CNTNAP5: variants seen among roughly 807,000 people sequenced by gnomAD.
The protein encoded by CNTNAP5 is contactin-associated protein-like 5.
In CNTNAP5, 72 loss-of-function variants were observed where a neutral mutation model predicts 150.2. The observed-to-expected ratio is 0.48, with a 90% CI of 0.40 to 0.58. The LOEUF is 0.58. Ranked by LOEUF, CNTNAP5 falls within the 20% of genes least tolerant of loss-of-function variation. The probability of loss-of-function intolerance (pLI) is 0.00; values close to 1 mark genes in which losing one functional copy is unlikely to be tolerated. For missense variants in CNTNAP5, 1,636 were observed against 1,626.2 expected (o/e 1.01, Z -0.10); for synonymous variants, 672 against 619.8 (o/e 1.08, Z -1.25).
chr2:124,910,890 C>A (rs180939285), intron 22 of CNTNAP5, among the ~76,000 whole-genome samples: 15 of 151,972 alleles, frequency 9.9e-5, no homozygotes, highest in Admixed American at 8.5e-4. Flanking sequence ...AAAAAGAGGT[C>A]TTCCTCAATG....
chr2:124,523,432 C>T (rs1694894942), intron 8 of CNTNAP5, among the ~76,000 whole-genome samples: 4 of 152,184 alleles, frequency 2.6e-5, no homozygotes, highest in African/African-American at 4.8e-5. Flanking sequence ...AAGCACTTTA[C>T]ACCACCAGGA....
At chr2:124,156,307 C>A (rs1272209010) in intron 1 of CNTNAP5, among the ~76,000 whole-genome samples, 5 of 152,144 alleles carry the variant, frequency 3.3e-5, no homozygotes, top group Admixed American at 2.6e-4. Flanking sequence ...AGCTCCACTG[C>A]TGATTATCAC....
At chr2:124,622,968 T>C (rs960685419) in intron 12 of CNTNAP5, among the ~76,000 whole-genome samples, 2 of 152,192 alleles carry the variant, frequency 1.3e-5, no homozygotes, top group Admixed American at 6.5e-5. Context: ...ATAATTTTTA[T>C]TTTATAAGTG....
At chr2:124,664,849 C>G (rs1307493765) in intron 13 of CNTNAP5, among the ~76,000 whole-genome samples, 1 of 152,086 alleles carries the variant, frequency 6.6e-6, no homozygotes, top group Non-Finnish European at 1.5e-5. Context: ...ACCATGCCCA[C>G]CTCATTTTTG....
At chr2:124,097,550 C>T (rs918090439) in intron 1 of CNTNAP5, among the ~76,000 whole-genome samples, 6 of 152,176 alleles carry the variant, frequency 3.9e-5, no homozygotes, top group Admixed American at 6.5e-5. Context: ...GACATGCTGG[C>T]GCCCCAGAGC....
At chr2:124,796,844 G>A (rs1400053205) in intron 18 of CNTNAP5, among the ~76,000 whole-genome samples, 1 of 152,160 alleles carries the variant, frequency 6.6e-6, no homozygotes, top group African/African-American at 2.4e-5. Flanking sequence ...TTTGCTGCCT[G>A]ATCTAAGGTG....
chr2:124,677,448 G>T (rs548898303), intron 13 of CNTNAP5, among the ~76,000 whole-genome samples: 1 of 152,180 alleles, frequency 6.6e-6, no homozygotes, highest in East Asian at 1.9e-4. Flanking sequence ...TGGCTGGGGT[G>T]GCCAGCTTTT....
intron 1 of CNTNAP5, among the ~76,000 whole-genome samples, chr2:124,112,080 T>G (rs563507080): frequency 6.6e-6 from 1 of 152,188 alleles, no homozygotes; most frequent in Non-Finnish European, 1.5e-5. Flanking sequence ...CCAAGCAAAT[T>G]TGAAACTCCC....
intron 1 of CNTNAP5, among the ~76,000 whole-genome samples, chr2:124,200,738 C>T (rs751627070): frequency 8.5e-5 from 13 of 152,212 alleles, no homozygotes; most frequent in Non-Finnish European, 1.6e-4. Flanking sequence ...TGTCCTGCCA[C>T]GTATTTCTTA....
Position 124,446,918 on chromosome 2 carries a change from C to G in CNTNAP5, c.899C>G (p.Ala300Gly). Residue 300 changes from alanine (A) to glycine (G), a missense_variant, in exon 6 of 24, where the codon GCC becomes GGC. Ala to Gly is a moderately conservative substitution (Grantham distance 60). Transcript: ENST00000682447. Reference protein sequence around the residue: ...QHFRTKGETDALDIDYELSFG... With the variant: ...QHFRTKGETDGLDIDYELSFG... ...TTCCGCACCAAGGGCGAGACGGATG[C>G]CTTAGACATTGACTATGAGGTGAGT... 1 of 1,613,500 alleles carries G rather than the reference C, an allele frequency of 6.2e-7. No homozygotes were observed. Among genetic ancestry groups the G allele is most frequent in the Non-Finnish European group, 8.5e-7 (1 of 1,179,588 alleles).
At chr2:124,750,987 A>C (rs1446916282) in intron 14 of CNTNAP5, among the ~76,000 whole-genome samples, 1 of 150,614 alleles carries the variant, frequency 6.6e-6, no homozygotes, top group Non-Finnish European at 1.5e-5. Flanking sequence ...CATCTCAAAA[A>C]AAAAAAAAAA....
chr2:124,453,285 G>A (rs559095972), intron 6 of CNTNAP5, among the ~76,000 whole-genome samples: 21 of 151,776 alleles, frequency 1.4e-4, no homozygotes, highest in East Asian at 3.9e-4. Flanking sequence ...AAAGAACTTC[G>A]GAGCTCAGAG....
intron 1 of CNTNAP5, among the ~76,000 whole-genome samples, chr2:124,103,517 T>G (rs1300614902): frequency 6.6e-6 from 1 of 152,100 alleles, no homozygotes; most frequent in Non-Finnish European, 1.5e-5. Context: ...CCATTTTTTA[T>G]TTTATGCTCT....
chr2:124,423,758 A>G (rs3933535), intron 4 of CNTNAP5, among the ~76,000 whole-genome samples: 138,129 of 141,470 alleles, frequency 0.98, 67,482 homozygotes, highest in East Asian at 1. Context: ...TCCGCCTCCC[A>G]GGTTCACGCC....
At position 124,139,396 on chromosome 2, in the gene CNTNAP5, G is replaced by T. The variant is rs768240033; in HGVS notation, c.83-82309G>T. On this transcript the variant is annotated intron_variant, in intron 1 of 23. Transcript: ENST00000682447. ...CATTTGAAAAATACTAAAGACAAGA[G>T]AAGTTCAATGACGCTCCCTAAAGCA... 2.8e-4 allele frequency among the ~76,000 whole-genome samples: 42 copies of T among 152,004 alleles called. 1 individual carries two copies. The highest frequency in any genetic ancestry group is 1.3e-4 in the Non-Finnish European group (9 of 68,012).
At chr2:124,289,560 G>A (rs62173769) in intron 3 of CNTNAP5, among the ~76,000 whole-genome samples, 3,266 of 152,262 alleles carry the variant, frequency 0.021, 45 homozygotes, top group Non-Finnish European at 0.032. Flanking sequence ...TAGAAGAAAC[G>A]TAATAAAATG....
chr2:124,664,325 G>GA (rs34108388), intron 13 of CNTNAP5, among the ~76,000 whole-genome samples: 31,621 of 106,142 alleles, frequency 0.3, 4,663 homozygotes, highest in Non-Finnish European at 0.38. Context: ...CCTGTCTCAA[G>GA]AAAAAAAAAA....
At chr2:124,898,975 C>T (rs1006756160) in intron 21 of CNTNAP5, among the ~76,000 whole-genome samples, 10 of 151,338 alleles carry the variant, frequency 6.6e-5, no homozygotes, top group African/African-American at 2.0e-4. Flanking sequence ...TATTGTGCAT[C>T]ATGGTGACTG....
chr2:124,751,054 A>C (rs1282162846), intron 14 of CNTNAP5, among the ~76,000 whole-genome samples: 1 of 151,782 alleles, frequency 6.6e-6, no homozygotes, highest in Non-Finnish European at 1.5e-5. Context: ...ATAGAAATAC[A>C]TGGGTTTAAA....
Sources: allele counts gnomAD v4.1 joint callset (sites outside exome capture counted in the v4.1 genomes callset), GRCh38; gene constraint gnomAD v4.1.1; transcripts MANE v1.5; gene names NCBI Gene and HGNC (gene_info 2026-07-23, HGNC 2026-07-21).